The following ADAD1 variants were observed in gnomAD, a reference collection of about 807,000 sequenced individuals.
ADAD1 encodes adenosine deaminase domain containing 1, also known as adenosine deaminase domain-containing protein 1.
In ADAD1, 46 loss-of-function variants were observed where a neutral mutation model predicts 66.8. That is an observed-to-expected ratio of 0.69 (90% confidence interval 0.54 to 0.88). The LOEUF (loss-of-function observed/expected upper bound fraction) is 0.88, where lower values mean the gene tolerates loss of function less well. ADAD1 is among the 40% of genes least tolerant of loss of function. The probability of loss-of-function intolerance (pLI) is 0.00; values close to 1 mark genes in which losing one functional copy is unlikely to be tolerated. For missense variants in ADAD1, 617 were observed against 681.8 expected, an observed-to-expected ratio of 0.91 and a Z score of 1.06; for synonymous variants, 248 against 229.4, an observed-to-expected ratio of 1.08 and a Z score of -0.73.
chr4:122,424,968 G>C (rs779084349), intron 12 of ADAD1, among the ~76,000 whole-genome samples: 2 of 151,974 alleles, frequency 1.3e-5, no homozygotes, highest in South Asian at 2.1e-4. Context: ...TATTGCTAGA[G>C]ACAGAGCAAC....
chr4:122,420,092 G>C (rs1408302914), intron 11 of ADAD1, among the ~76,000 whole-genome samples: 1 of 152,138 alleles, frequency 6.6e-6, no homozygotes, highest in Non-Finnish European at 1.5e-5. Context: ...ATCACTCTTT[G>C]AAGATGGTAT....
intron 7 of ADAD1, among the ~76,000 whole-genome samples, chr4:122,402,339 T>G (rs936736026): frequency 3.3e-5 from 5 of 152,194 alleles, no homozygotes; most frequent in Non-Finnish European, 5.9e-5. Flanking sequence ...CCTTCTGACT[T>G]GTAGGGTTTC....
At position 122,380,179 on chromosome 4, in the gene ADAD1, C is replaced by T. The variant is rs757371025; in HGVS notation, c.110C>T (p.Thr37Ile). Residue 37 changes from threonine (T) to isoleucine (I), a missense_variant, in exon 3 of 13, where the codon ACA becomes ATA. Thr to Ile is a moderately conservative substitution (Grantham distance 89). Coordinates refer to ENST00000296513, the MANE Select transcript of ADAD1 (RefSeq NM_139243.4). The part of the protein sequence containing the change: ...QPATKTITTP[T>I]GWSSESYGLS... ...GCGACAAAGACGATAACTACACCCA[C>T]AGGATGGTCCTCAGAAAGTTACGGC... 50 of 1,614,198 alleles carry T rather than the reference C, an allele frequency of 3.1e-5. No homozygotes were observed. The highest frequency in any genetic ancestry group is 1.1e-4 in the East Asian group (5 of 44,884).
chr4:122,419,193 C>T (rs1796893980), intron 11 of ADAD1, among the ~76,000 whole-genome samples: 1 of 152,128 alleles, frequency 6.6e-6, no homozygotes, highest in Non-Finnish European at 1.5e-5. Flanking sequence ...GAATACTATG[C>T]AGACATAAAA....
At chr4:122,403,835 CTCT>C (rs1004660382) in intron 7 of ADAD1, among the ~76,000 whole-genome samples, 1 of 152,104 alleles carries the variant, frequency 6.6e-6, no homozygotes, top group African/African-American at 2.4e-5. Flanking sequence ...TGAGCTCAGA[CTCT>C]TCTTGTGCTG....
chr4:122,425,195 A>G (rs1161800224), intron 12 of ADAD1, among the ~76,000 whole-genome samples: 1 of 152,080 alleles, frequency 6.6e-6, no homozygotes, highest in Non-Finnish European at 1.5e-5. Flanking sequence ...ACTACCAACC[A>G]ATCAAAACTC....
chr4:122,387,116 A>G lies in ADAD1; in HGVS notation c.529+3150A>G, dbSNP rs992155288. Among the ~76,000 whole-genome samples, 3 of 48,294 alleles carry G rather than the reference A, an allele frequency of 6.2e-5. No homozygotes were observed. The Admixed American group carries it at 9.5e-4, about 15-fold the overall frequency. The allele number at this position is 48,294 out of a possible 152,430, so 31.7% of individuals were successfully genotyped here. ...GAAAGTAGCATTGAATCTATAAATT[A>G]GTTTGGGCAGTATGGCCATTTTCTT... On this transcript the variant is annotated intron_variant, in intron 5 of 12. Transcript: ENST00000296513.
chr4:122,383,169 A>C (rs759771334), intron 4 of ADAD1, among the ~76,000 whole-genome samples: 3 of 152,138 alleles, frequency 2.0e-5, no homozygotes, highest in Non-Finnish European at 4.4e-5. Flanking sequence ...ATGACTGGAC[A>C]TTCAGTTTAA....
At chr4:122,394,385 CAGACTTT>C (rs1202479213) in intron 6 of ADAD1, among the ~76,000 whole-genome samples, 1 of 152,160 alleles carries the variant, frequency 6.6e-6, no homozygotes, top group African/African-American at 2.4e-5. Flanking sequence ...GGGCACACTT[CAGACTTT>C]AAAGTTTAGA....
chr4:122,380,145 G>C lies in ADAD1; in HGVS notation c.76G>C (p.Val26Leu). Residue 26 changes from valine to leucine, a missense_variant, in exon 3 of 13, where the codon GTT (valine) becomes CTT (leucine). By Grantham distance (32) the Val-to-Leu change is conservative. Transcript: ENST00000296513. ...CCAGATGCTGAAAAAGAACCTGCCA[G>C]TTCAACCAGCGACAAAGACGATAAC... is the stretch of plus-strand genomic sequence containing the variant. The part of the protein sequence containing the change: ...FAQMLKKNLP[V>L]QPATKTITTP... 1 of 1,614,126 alleles carries C rather than the reference G, an allele frequency of 6.2e-7. No homozygotes were observed. Among genetic ancestry groups the C allele is most frequent in the Non-Finnish European group, 8.5e-7 (1 of 1,180,030 alleles).
At chr4:122,408,875 C>T (rs1796345200) in intron 8 of ADAD1, among the ~76,000 whole-genome samples, 1 of 136,494 alleles carries the variant, frequency 7.3e-6, no homozygotes, top group Non-Finnish European at 1.6e-5. Flanking sequence ...AGACGTACAT[C>T]TTGTCTCAAA....
chr4:122,423,289 A>G (rs1560608084), intron 12 of ADAD1, among the ~76,000 whole-genome samples: 2 of 152,242 alleles, frequency 1.3e-5, no homozygotes, highest in Non-Finnish European at 2.9e-5. Flanking sequence ...CAAGGTTGCC[A>G]TCCTGGTTGG....
intron 12 of ADAD1, among the ~76,000 whole-genome samples, chr4:122,427,204 G>A (rs774606389): frequency 2.6e-5 from 4 of 152,218 alleles, no homozygotes; most frequent in Admixed American, 6.5e-5. Context: ...TCAAAAAATT[G>A]AGAAAACAGC....
intron 10 of ADAD1, among the ~76,000 whole-genome samples, chr4:122,414,604 A>G (rs1157556669): frequency 6.6e-6 from 1 of 152,230 alleles, no homozygotes; most frequent in East Asian, 1.9e-4. Flanking sequence ...CTATCTCAAC[A>G]ATTTTAATCA....
chr4:122,394,196 A>G (rs1302672284), intron 6 of ADAD1, among the ~76,000 whole-genome samples: 2 of 152,184 alleles, frequency 1.3e-5, no homozygotes, highest in Non-Finnish European at 2.9e-5. Context: ...TCATAAATGT[A>G]AAATTCTTAA....
In ADAD1 at chr4:122,380,979, C is replaced by T. The variant is rs771465814; in HGVS notation, c.173-13C>T. ...TTTTAAACCAAATTGACAAGTATAA[C>T]ATTTGTTTTTAGGTAATTTTCCAGA... On this transcript the variant is annotated splice_polypyrimidine_tract_variant and intron_variant, in intron 3 of 12. Coordinates refer to ENST00000296513, the MANE Select transcript of ADAD1 (RefSeq NM_139243.4). The T allele has an allele frequency of 2.2e-5, 35 of 1,577,844 alleles. No individual in the cohort carries two copies. The highest frequency in any genetic ancestry group is 2.8e-5 in the African/African-American group (2 of 71,832).
At chr4:122,404,649 C>A (rs946672761) in intron 7 of ADAD1, among the ~76,000 whole-genome samples, 6 of 152,096 alleles carry the variant, frequency 3.9e-5, no homozygotes, top group African/African-American at 1.4e-4. Flanking sequence ...TGATGTGAGT[C>A]TCCACACGCT....
intron 11 of ADAD1, among the ~76,000 whole-genome samples, chr4:122,418,540 T>C (rs1384485641): frequency 6.6e-6 from 1 of 152,024 alleles, no homozygotes; most frequent in Non-Finnish European, 1.5e-5. Flanking sequence ...TCCAGGATGG[T>C]CTCTATCTCC....
intron 2 of ADAD1, chr4:122,379,819 T>A: frequency 2.4e-6 from 1 of 410,316 alleles, no homozygotes; most frequent in Non-Finnish European, 4.3e-6. Context: ...GGGACCTCTC[T>A]CTGTTCCTTC....
Sources: gnomAD v4.1 joint callset for allele counts (sites outside exome capture counted in the v4.1 genomes callset) on GRCh38, gnomAD v4.1.1 for gene constraint, MANE v1.5 for transcripts, NCBI Gene and HGNC (gene_info 2026-07-23, HGNC 2026-07-21) for gene names.